Variants in SLC25A21 observed in about 807,000 individuals in gnomAD.
SLC25A21 encodes mitochondrial 2-oxodicarboxylate carrier.
A neutral mutation model predicts 43.8 loss-of-function variants in SLC25A21; 47 were observed. That is an observed-to-expected ratio of 1.07 (90% confidence interval 0.85 to 1.37). The LOEUF is 1.37. Ranked by LOEUF, SLC25A21 falls within the 40% of genes most tolerant of loss-of-function variation. The pLI, the probability that SLC25A21 is intolerant of heterozygous loss-of-function variation, is 0.00. For missense variants in SLC25A21, 352 were observed against 350.2 expected (o/e 1.00, Z -0.04); for synonymous variants, 131 against 121.3 (o/e 1.08, Z -0.52).
intron 3 of SLC25A21, among the ~76,000 whole-genome samples, chr14:36,803,272 T>C (rs1363653467): frequency 6.6e-6 from 1 of 152,192 alleles, no homozygotes; most frequent in Non-Finnish European, 1.5e-5. Context: ...ATTTTTGAAA[T>C]GTAACACATA....
At chr14:37,141,284 T>C (rs369785969) in intron 1 of SLC25A21, among the ~76,000 whole-genome samples, 286 of 152,244 alleles carry the variant, frequency 1.9e-3, no homozygotes, top group African/African-American at 6.3e-3. Context: ...GTCCAAAAGC[T>C]GAATACCATA....
At chr14:37,062,459 T>G (rs976515873) in intron 1 of SLC25A21, among the ~76,000 whole-genome samples, 1 of 138,274 alleles carries the variant, frequency 7.2e-6, no homozygotes, top group Non-Finnish European at 1.5e-5. Flanking sequence ...CGCAAAATAA[T>G]TTTTTTTTTA....
At chr14:36,731,252 C>A (rs1276763978) in intron 4 of SLC25A21, among the ~76,000 whole-genome samples, 1 of 152,176 alleles carries the variant, frequency 6.6e-6, no homozygotes, top group Non-Finnish European at 1.5e-5. Flanking sequence ...GGATTACAGG[C>A]AATCTTAGCT....
chr14:37,039,657 G>A (rs1181377489), intron 1 of SLC25A21, among the ~76,000 whole-genome samples: 4 of 152,154 alleles, frequency 2.6e-5, no homozygotes, highest in Non-Finnish European at 5.9e-5. Context: ...CATTTATTGA[G>A]CCTCTTCTAA....
chr14:37,137,384 G>A (rs1261940135), intron 1 of SLC25A21, among the ~76,000 whole-genome samples: 1 of 152,084 alleles, frequency 6.6e-6, no homozygotes, highest in Non-Finnish European at 1.5e-5. Flanking sequence ...GTCAATATGT[G>A]AATTACATTT....
At chr14:36,976,944 A>T (rs1959887931) in intron 1 of SLC25A21, among the ~76,000 whole-genome samples, 1 of 152,106 alleles carries the variant, frequency 6.6e-6, no homozygotes, top group East Asian at 1.9e-4. Context: ...CATCCACTCA[A>T]CTAATTTTCT....
At chr14:37,089,849 GTCTTA>G (rs1162547451) in intron 1 of SLC25A21, among the ~76,000 whole-genome samples, 13 of 152,308 alleles carry the variant, frequency 8.5e-5, no homozygotes, top group African/African-American at 2.9e-4. Flanking sequence ...CCAAGTTGAT[GTCTTA>G]TCTAATTGCC....
intron 1 of SLC25A21, among the ~76,000 whole-genome samples, chr14:37,069,068 T>G (rs1279600572): frequency 6.6e-6 from 1 of 151,984 alleles, no homozygotes; most frequent in Non-Finnish European, 1.5e-5. Context: ...TTCCAGCTAC[T>G]CTGGAGGCTG....
Position 36,979,603 on chromosome 14 carries a change from A to C in SLC25A21, c.71-104599T>G, listed in dbSNP as rs114207601. Among the ~76,000 whole-genome samples, 1,354 of 152,262 alleles carry C rather than the reference A, an allele frequency of 8.9e-3. 21 individuals are homozygous for C. The highest frequency in any genetic ancestry group is 0.031 in the African/African-American group (1,274 of 41,546). On this transcript the variant is annotated intron_variant, in intron 1 of 9. Coordinates refer to ENST00000331299, the MANE Select transcript of SLC25A21 (RefSeq NM_030631.4). ...ACTACCGACCTTCAGTGATCCACCT[A>C]TCTTGACCTCTCAAAGTGCAGGTAT...
intron 1 of SLC25A21, among the ~76,000 whole-genome samples, chr14:37,127,472 T>C (rs907610371): frequency 6.6e-6 from 1 of 152,260 alleles, no homozygotes; most frequent in East Asian, 1.9e-4. Flanking sequence ...TTTTTCTTTT[T>C]AAACTTCCTC....
At chr14:36,879,903 G>C (rs1412758027) in intron 1 of SLC25A21, among the ~76,000 whole-genome samples, 1 of 151,602 alleles carries the variant, frequency 6.6e-6, no homozygotes, top group East Asian at 1.9e-4. Context: ...TCAATTCCTA[G>C]AACTTTTTCT....
chr14:37,167,742 G>A (rs765097600), intron 1 of SLC25A21, among the ~76,000 whole-genome samples: 11 of 151,944 alleles, frequency 7.2e-5, no homozygotes, highest in Non-Finnish European at 1.5e-4. Flanking sequence ...CAGACCCTGC[G>A]TTTGATGGAT....
At chr14:36,749,647 G>A (rs1885628878) in intron 3 of SLC25A21, among the ~76,000 whole-genome samples, 1 of 152,104 alleles carries the variant, frequency 6.6e-6, no homozygotes, top group Admixed American at 6.5e-5. Flanking sequence ...TCTGGTCTGG[G>A]ATCCCTCTCC....
chr14:36,754,433 T>C (rs955048132), intron 3 of SLC25A21, among the ~76,000 whole-genome samples: 2 of 152,194 alleles, frequency 1.3e-5, no homozygotes, highest in African/African-American at 4.8e-5. Flanking sequence ...GATAAATATC[T>C]TCCAAGTACA....
intron 1 of SLC25A21, among the ~76,000 whole-genome samples, chr14:37,052,019 A>T (rs1961718148): frequency 6.6e-6 from 1 of 152,196 alleles, no homozygotes; most frequent in Non-Finnish European, 1.5e-5. Flanking sequence ...CAGTGTGAAA[A>T]GGTGGTTTGC....
At chr14:36,841,697 C>A (rs943244091) in intron 2 of SLC25A21, among the ~76,000 whole-genome samples, 4 of 152,112 alleles carry the variant, frequency 2.6e-5, no homozygotes. Flanking sequence ...CATACCTTGC[C>A]CAAGAACGTA....
intron 1 of SLC25A21, among the ~76,000 whole-genome samples, chr14:37,020,992 C>T (rs188319564): frequency 6.6e-6 from 1 of 152,042 alleles, no homozygotes; most frequent in East Asian, 1.9e-4. Flanking sequence ...TTTGTTAAGC[C>T]AGACGTTTCC....
chr14:37,147,935 G>A (rs1381304706), intron 1 of SLC25A21, among the ~76,000 whole-genome samples: 2 of 142,730 alleles, frequency 1.4e-5, no homozygotes, highest in Admixed American at 7.6e-5. Context: ...TCCGCCTCCC[G>A]GGTACAATTC....
intron 2 of SLC25A21, among the ~76,000 whole-genome samples, chr14:36,838,647 A>G (rs1394013241): frequency 2.0e-5 from 3 of 152,208 alleles, no homozygotes; most frequent in East Asian, 3.8e-4. Context: ...TTGTGGAGGC[A>G]GGGAGTGGGG....
Sources: allele counts gnomAD v4.1 joint callset (sites outside exome capture counted in the v4.1 genomes callset), GRCh38; gene constraint gnomAD v4.1.1; transcripts MANE v1.5; gene names NCBI Gene and HGNC (gene_info 2026-07-23, HGNC 2026-07-21).